The following PLXNB1 variants were observed in gnomAD, a reference collection of about 807,000 sequenced individuals.
PLXNB1 encodes plexin B1, also known as plexin-B1.
In PLXNB1, 106 loss-of-function variants were observed where a neutral mutation model predicts 209.4. The ratio of observed to expected loss-of-function variants is 0.51; its 90% CI spans 0.43 to 0.59. The LOEUF (loss-of-function observed/expected upper bound fraction) is 0.59, where lower values mean the gene tolerates loss of function less well. Among genes scored for constraint, PLXNB1 ranks in the 20% least tolerant of loss-of-function variants. The pLI, the probability that PLXNB1 is intolerant of heterozygous loss-of-function variation, is 0.00. For synonymous variants in PLXNB1, 1,167 were observed against 1,183.2 expected (o/e 0.99, Z 0.28); for missense variants, 2,357 against 2,853.2 (o/e 0.83, Z 3.96).
Position 48,406,825 on chromosome 3 carries a change from A to C in PLXNB1, c.6226T>G (p.Trp2076Gly), listed in dbSNP as rs1419702785. ...CAAGAAGCAGAGGGAGGCCTTACCC[A>C]GGACAGTTCAGCCAGGACAGAGTTC... ...EMNSVLAELS[W>G]NYSGDLGARV... is the part of the protein sequence containing the mutation. Residue 2076 changes from tryptophan (W) to glycine (G), a missense_variant and splice_region_variant, in exon 36 of 38, where the codon TGG becomes GGG. Coordinates refer to ENST00000296440, the MANE Select transcript of PLXNB1 (RefSeq NM_001130082.3). This position sits in a 1 kb window ranked among gnomAD's most constrained non-coding sequence, Gnocchi z 4.4. The C allele has an allele frequency of 4.4e-6, 7 of 1,607,680 alleles. No individual in the cohort carries two copies. Among genetic ancestry groups the C allele is most frequent in the Non-Finnish European group, 5.9e-6 (7 of 1,176,940 alleles).
In PLXNB1 at chr3:48,410,576, A is replaced by C; in HGVS notation, c.5417-18T>G. On this transcript the variant is annotated intron_variant, in intron 29 of 37. Transcript: ENST00000296440. The surrounding 1 kb of genome is among the most constrained non-coding windows in gnomAD (Gnocchi z 6.4). ...CCGCCACTCTGCAAGGGCAAGGCAG[A>C]ACTGGGTGCAGGGCTGGAAGATACC... is the stretch of plus-strand genomic sequence containing the variant. The C allele has an allele frequency of 6.3e-7, 1 of 1,599,494 alleles. No individual in the cohort carries two copies. The highest frequency in any genetic ancestry group is 2.2e-5 in the East Asian group (1 of 44,814).
At position 48,415,224 on chromosome 3, in the gene PLXNB1, C is replaced by G; in HGVS notation, c.3918G>C (p.Val1306=). 1 of 1,613,486 alleles carries G rather than the reference C, an allele frequency of 6.2e-7. No individual in the cohort carries two copies. Among genetic ancestry groups the G allele is most frequent in the Non-Finnish European group, 8.5e-7 (1 of 1,180,002 alleles). Residue 1306 remains valine (V), a synonymous_variant, in exon 20 of 38, where the codon GTG becomes GTC. Transcript: ENST00000296440. The surrounding 1 kb of genome is among the most constrained non-coding windows in gnomAD (Gnocchi z 5.0). ...CAAGGGAACATGCCGTCTCCGGGAC[C>G]ACGCGACGCCTCCGTCCAAGCCCCT... ...PSQGLGRRRR[V]VPETACSLGP...
chr3:48,415,092 G>A lies in PLXNB1; in HGVS notation c.3967-51C>T. On this transcript the variant is annotated intron_variant, in intron 20 of 37. Transcript: ENST00000296440. The surrounding 1 kb of genome is among the most constrained non-coding windows in gnomAD (Gnocchi z 5.0). ...GAGGGGCCAAGCAAAGATGGGAAGAGCCTCCTCTGGCACCTGCTCTGGCTG... is the reference window on the plus strand; with the variant it reads ...GAGGGGCCAAGCAAAGATGGGAAGAACCTCCTCTGGCACCTGCTCTGGCTG... The A allele has an allele frequency of 1.9e-6, 3 of 1,607,472 alleles. No homozygotes were observed. The highest frequency in any genetic ancestry group is 2.6e-6 in the Non-Finnish European group (3 of 1,175,522).
intron 1 of PLXNB1, among the ~76,000 whole-genome samples, chr3:48,427,874 G>A (rs998976835): frequency 1.3e-5 from 2 of 152,210 alleles, no homozygotes; most frequent in African/African-American, 2.4e-5. Context: ...AGGCACGGCC[G>A]CTCTGCCTCA....
chr3:48,409,594 G>A lies in PLXNB1; in HGVS notation c.5916C>T (p.Thr1972=), dbSNP rs757709577. The A allele has an allele frequency of 1.2e-6, 2 of 1,614,014 alleles. No homozygotes were observed. The highest frequency in any genetic ancestry group is 1.7e-6 in the Non-Finnish European group (2 of 1,179,976). The part of the protein sequence containing the change: ...AQQHGISDQD[T]IHIWKTNSLP... ...ACCTGTTGGTCTTCCAGATGTGGAT[G>A]GTGTCCTGGTCGGAGATGCCATGCT... The change falls in exon 33 of 38, where the codon ACC becomes ACT. Residue 1972 remains threonine (T), a synonymous_variant. Transcript: ENST00000296440. The surrounding 1 kb of genome is among the most constrained non-coding windows in gnomAD (Gnocchi z 5.8).
In PLXNB1 at chr3:48,422,442, C is replaced by T. The variant is rs772662689; in HGVS notation, c.1308G>A (p.Gly436=). ...GTGTGGAGTATGGGTGGCCATCGCTCCCTGGGCCCAAGTAGACCTGGGATC... is the reference window on the plus strand; with the variant it reads ...GTGTGGAGTATGGGTGGCCATCGCTTCCTGGGCCCAAGTAGACCTGGGATC... ...GQLHRVYLGP[G]SDGHPYSTQS... Residue 436 remains glycine (G), a synonymous_variant, in exon 5 of 38, where the codon GGG becomes GGA. Coordinates refer to ENST00000296440, the MANE Select transcript of PLXNB1 (RefSeq NM_001130082.3). 54 of 1,592,556 alleles carry T rather than the reference C, an allele frequency of 3.4e-5. No homozygotes were observed. The highest frequency in any genetic ancestry group is 2.0e-4 in the South Asian group (18 of 87,856).
In PLXNB1 at chr3:48,422,404, T is replaced by A; in HGVS notation, c.1346A>T (p.Gln449Leu). 6.2e-7 allele frequency: 1 copy of A among 1,604,678 alleles called. No individual in the cohort carries two copies. The highest frequency in any genetic ancestry group is 2.2e-5 in the East Asian group (1 of 44,698). Residue 449 changes from glutamine (Q) to leucine (L), a missense_variant, in exon 5 of 38, where the codon CAG becomes CTG. Coordinates refer to ENST00000296440, the MANE Select transcript of PLXNB1 (RefSeq NM_001130082.3). ...GHPYSTQSIQ[Q>L]GSAVSRDLTF... ...GAGGTCTCTGCTCACTGCAGACCCC[T>A]GCTGGATGCTCTGTGTGGAGTATGG...
chr3:48,404,574 T>C lies in PLXNB1; in HGVS notation c.6320A>G (p.Glu2107Gly). The C allele has an allele frequency of 6.2e-7, 1 of 1,612,224 alleles. No individual in the cohort carries two copies. Among genetic ancestry groups the C allele is most frequent in the Non-Finnish European group, 8.5e-7 (1 of 1,178,606 alleles). The part of the protein sequence containing the change: ...KYYDQIITAL[E>G]EDGTAQKMQL... The stretch of plus-strand genomic sequence containing the variant: ...CATCTTCTGGGCCGTGCCATCCTCC[T>C]CCAGGGCAGTGATGATCTGAAACAG... Residue 2107 changes from glutamate to glycine, a missense_variant, in exon 38 of 38, where the codon GAG (glutamate) becomes GGG (glycine). Glu to Gly is a moderately conservative substitution (Grantham distance 98). This residue lies in a region of PLXNB1 where 414 missense variants were observed against 520.5 expected (regional missense o/e 0.80). Coordinates refer to ENST00000296440, the MANE Select transcript of PLXNB1 (RefSeq NM_001130082.3).
Position 48,416,580 on chromosome 3 carries a change from G to C in PLXNB1, c.3375-129C>G. On this transcript the variant is annotated intron_variant, in intron 16 of 37. Coordinates refer to ENST00000296440, the MANE Select transcript of PLXNB1 (RefSeq NM_001130082.3). This position sits in a 1 kb window ranked among gnomAD's most constrained non-coding sequence, Gnocchi z 4.1. ...TCCCATGCTCCATAAGATTGACAGAGACCCTCTCTCACTTTGGAGGGAATT... is the reference window on the plus strand; with the variant it reads ...TCCCATGCTCCATAAGATTGACAGACACCCTCTCTCACTTTGGAGGGAATT... The C allele has an allele frequency of 1.8e-6, 1 of 565,160 alleles. No individual in the cohort carries two copies. The allele number at this position is 565,160 out of a possible 1,614,324, so 35.0% of individuals were successfully genotyped here. A position where few individuals can be genotyped will look rare whatever the true frequency, so the allele number is the denominator to read the frequency against.
In PLXNB1 at chr3:48,416,606, C is replaced by A. The variant is rs1473250532; in HGVS notation, c.3375-155G>T. ...ACCCTCTCTCACTTTGGAGGGAATT[C>A]TTTATGACACATCAGAAGGCCTTGG... On this transcript the variant is annotated intron_variant, in intron 16 of 37. Coordinates refer to ENST00000296440, the MANE Select transcript of PLXNB1 (RefSeq NM_001130082.3). The surrounding 1 kb of genome is among the most constrained non-coding windows in gnomAD (Gnocchi z 4.1). 1 of 507,866 alleles carries A rather than the reference C, an allele frequency of 2.0e-6. No individual in the cohort carries two copies. The highest frequency in any genetic ancestry group is 3.5e-6 in the Non-Finnish European group (1 of 289,406). The allele number at this position is 507,866 out of a possible 1,614,324, so 31.5% of individuals were successfully genotyped here.
In PLXNB1 at chr3:48,415,835, C is replaced by T. The variant is rs2038055685; in HGVS notation, c.3618-76G>A. 7.0e-7 allele frequency: 1 copy of T among 1,429,594 alleles called. No homozygotes were observed. The highest frequency in any genetic ancestry group is 2.5e-5 in the East Asian group (1 of 39,916). The allele number at this position is 1,429,594 out of a possible 1,614,324, so 88.6% of individuals were successfully genotyped here. ...GACCACTCAGGCCCCAACTGGCTTC[C>T]CTCAAGCGCTGACTGCAGTCTCCAC... On this transcript the variant is annotated intron_variant, in intron 18 of 37. Coordinates refer to ENST00000296440, the MANE Select transcript of PLXNB1 (RefSeq NM_001130082.3). The surrounding 1 kb of genome is among the most constrained non-coding windows in gnomAD (Gnocchi z 5.0).
At position 48,417,445 on chromosome 3, in the gene PLXNB1, C is replaced by G. The variant is rs75870793; in HGVS notation, c.3374+466G>C. 8.1e-3 allele frequency among the ~76,000 whole-genome samples: 1,237 copies of G among 152,340 alleles called. 15 individuals are homozygous for G. Among genetic ancestry groups the G allele is most frequent in the African/African-American group, 0.029 (1,196 of 41,576 alleles). On this transcript the variant is annotated intron_variant, in intron 16 of 37. Transcript: ENST00000296440. The surrounding 1 kb of genome is among the most constrained non-coding windows in gnomAD (Gnocchi z 4.4). The stretch of plus-strand genomic sequence containing the variant: ...AGGCAGCAGGGGTCCCTAGAGACGA[C>G]AGTGGAGCCTGGCCCTCGGCCAGTG...
chr3:48,406,032 C>T lies in PLXNB1; in HGVS notation c.6229-234G>A. The stretch of plus-strand genomic sequence containing the variant: ...GGGGGCCTCCTTGGTAGGAAGACAG[C>T]CCAGGTCTACCTGCTTCAGCAAGGT... On this transcript the variant is annotated intron_variant, in intron 36 of 37. Transcript: ENST00000296440. The surrounding 1 kb of genome is among the most constrained non-coding windows in gnomAD (Gnocchi z 4.4). The T allele has an allele frequency of 4.3e-6, 2 of 464,200 alleles. No homozygotes were observed. Among genetic ancestry groups the T allele is most frequent in the Admixed American group, 3.4e-5 (1 of 29,534 alleles). The allele number at this position is 464,200 out of a possible 1,614,324, so 28.8% of individuals were successfully genotyped here.
At position 48,415,826 on chromosome 3, in the gene PLXNB1, AC is replaced by A. The variant is rs2038054014; in HGVS notation, c.3618-68del. On this transcript the variant is annotated intron_variant, in intron 18 of 37. Coordinates refer to ENST00000296440, the MANE Select transcript of PLXNB1 (RefSeq NM_001130082.3). This position sits in a 1 kb window ranked among gnomAD's most constrained non-coding sequence, Gnocchi z 5.0. Reference sequence around the variant, plus strand: ...GAAAACTTGGACCACTCAGGCCCCAACTGGCTTCCCTCAAGCGCTGACTGCA... The same window carrying A: ...GAAAACTTGGACCACTCAGGCCCCAATGGCTTCCCTCAAGCGCTGACTGCA... 2.1e-6 allele frequency: 3 copies of A among 1,459,664 alleles called. No individual in the cohort carries two copies. The highest frequency in any genetic ancestry group is 2.8e-6 in the Non-Finnish European group (3 of 1,082,014). The allele number at this position is 1,459,664 out of a possible 1,614,324, so 90.4% of individuals were successfully genotyped here.
At position 48,413,874 on chromosome 3, in the gene PLXNB1, G is replaced by C; in HGVS notation, c.4386+21C>G. 1 of 1,606,404 alleles carries C rather than the reference G, an allele frequency of 6.2e-7. No homozygotes were observed. Among genetic ancestry groups the C allele is most frequent in the African/African-American group, 1.3e-5 (1 of 74,912 alleles). On this transcript the variant is annotated intron_variant, in intron 22 of 37. Transcript: ENST00000296440. The surrounding 1 kb of genome is among the most constrained non-coding windows in gnomAD (Gnocchi z 5.4). Reference sequence around the variant, plus strand: ...TTGGCCCAGGTCAATGCCCAGCCCGGCCAGGGACCTGCCCACTGACCGTGA... The same window carrying C: ...TTGGCCCAGGTCAATGCCCAGCCCGCCCAGGGACCTGCCCACTGACCGTGA...
In PLXNB1 at chr3:48,405,371, C is replaced by A. The variant is rs2037250879; in HGVS notation, c.6303+353G>T. ...TGGACTCTCCTCTTCGCAGCTCATGCAGCCAAGCCAGGCCTGCACTTGCAT... is the reference window on the plus strand; with the variant it reads ...TGGACTCTCCTCTTCGCAGCTCATGAAGCCAAGCCAGGCCTGCACTTGCAT... On this transcript the variant is annotated intron_variant, in intron 37 of 37. Coordinates refer to ENST00000296440, the MANE Select transcript of PLXNB1 (RefSeq NM_001130082.3). This position sits in a 1 kb window ranked among gnomAD's most constrained non-coding sequence, Gnocchi z 5.0. Among the ~76,000 whole-genome samples, 1 of 152,204 alleles carries A rather than the reference C, an allele frequency of 6.6e-6. No homozygotes were observed. The highest frequency in any genetic ancestry group is 2.4e-5 in the African/African-American group (1 of 41,454).
At chr3:48,427,734 C>T (rs1222774490) in intron 1 of PLXNB1, among the ~76,000 whole-genome samples, 1 of 152,228 alleles carries the variant, frequency 6.6e-6, no homozygotes, top group African/African-American at 2.4e-5. Flanking sequence ...GGAATGCCCA[C>T]TCCCTCGCTA....
chr3:48,423,952 AC>A lies in PLXNB1; in HGVS notation c.659del (p.Ser220MetfsTer56). On this transcript the variant is annotated frameshift_variant, in exon 3 of 38. Transcript: ENST00000296440. LOFTEE classifies it high-confidence loss of function. ...AGGCGCTGGCCCCACGTGCAAAGGCACTCACGAAGTGGTGGCTGTACTCGGA... is the reference window on the plus strand; with the variant it reads ...AGGCGCTGGCCCCACGTGCAAAGGCATCACGAAGTGGTGGCTGTACTCGGA... ...RLSEYSHHFVSAFARGASAYF... is the reference protein window; with the variant it reads ...RLSEYSHHFVXAFARGASAYF... 1 of 1,613,980 alleles carries A rather than the reference AC, an allele frequency of 6.2e-7. No homozygotes were observed. The highest frequency in any genetic ancestry group is 8.5e-7 in the Non-Finnish European group (1 of 1,179,970).
intron 37 of PLXNB1, among the ~76,000 whole-genome samples, 165 bp from the exon 38 acceptor site, chr3:48,404,755 G>T (rs1268871723): frequency 6.6e-6 from 1 of 152,184 alleles, no homozygotes; most frequent in Non-Finnish European, 1.5e-5. Flanking sequence ...TCGCTGGCGG[G>T]AGGGGTAATA....
Sources: allele counts gnomAD v4.1 joint callset (sites outside exome capture counted in the v4.1 genomes callset), GRCh38; gene constraint gnomAD v4.1.1; regional missense constraint gnomAD v4.1.1; non-coding constraint Gnocchi (gnomAD v3.1); transcripts MANE v1.5; gene names NCBI Gene and HGNC (gene_info 2026-07-23, HGNC 2026-07-21).